The following SNAPC4 variants were observed in gnomAD, a reference collection of about 807,000 sequenced individuals.
SNAPC4 encodes snRNA-activating protein complex subunit 4.
SNAPC4 carries 127 observed loss-of-function variants against 151.3 expected under a neutral mutation model. The ratio of observed to expected loss-of-function variants is 0.84; its 90% CI spans 0.73 to 0.97. The LOEUF is 0.97. Among genes scored for constraint, SNAPC4 ranks in the 50% least tolerant of loss-of-function variants. SNAPC4 has a pLI of 0.00. For synonymous variants in SNAPC4, 1,002 were observed against 824.4 expected, an observed-to-expected ratio of 1.22 and a Z score of -3.69; for missense variants, 2,186 against 1,935.0, an observed-to-expected ratio of 1.13 and a Z score of -2.43.
At chr9:136,395,549 G>T in intron 4 of SNAPC4, 54 bp downstream of exon 4, 1 of 1,571,794 alleles carries the variant, frequency 6.4e-7, no homozygotes, top group South Asian at 1.2e-5. Flanking sequence ...CCCAGCTGTG[G>T]GGGGCTCTGG....
At chr9:136,379,741 T>TG in intron 21 of SNAPC4, 96 bp downstream of exon 21, 1 of 1,131,168 alleles carries the variant, frequency 8.8e-7, no homozygotes, top group Non-Finnish European at 1.3e-6. Flanking sequence ...CTGTGCTGCT[T>TG]GGGGGCTGTG....
In SNAPC4 at chr9:136,398,283, G is replaced by A; in HGVS notation, c.130+16C>T. 1 of 1,604,600 alleles carries A rather than the reference G, an allele frequency of 6.2e-7. No individual in the cohort carries two copies. The highest frequency in any genetic ancestry group is 8.5e-7 in the Non-Finnish European group (1 of 1,172,646). On this transcript the variant is annotated intron_variant, in intron 2 of 23. Transcript: ENST00000684778. The stretch of plus-strand genomic sequence containing the variant: ...TTCTTACCAGGACCCCAGGAGGCTA[G>A]GTACAAGGGGCTTACCTGCTTCAGA...
At position 136,377,592 on chromosome 9, in the gene SNAPC4, G is replaced by T; in HGVS notation, c.4235C>A (p.Ala1412Glu). The part of the protein sequence containing the change: ...DEDLLSELEL[A>E]DRDGQPGCTT... ...GCAGCCCGGCTGCCCGTCCCTGTCT[G>T]CAAGTTCCAGCTCACTCAGGAGGTC... Residue 1412 changes from alanine (A) to glutamate (E), a missense_variant, in exon 22 of 24, where the codon GCA (alanine) becomes GAA (glutamate). Ala to Glu is a moderately radical substitution (Grantham distance 107, BLOSUM62 -1). Transcript: ENST00000684778. The T allele has an allele frequency of 2.0e-6, 3 of 1,531,374 alleles. No individual in the cohort carries two copies. Among genetic ancestry groups the T allele is most frequent in the Non-Finnish European group, 2.6e-6 (3 of 1,136,892 alleles). The allele number at this position is 1,531,374 out of a possible 1,614,324, so 94.9% of individuals were successfully genotyped here.
At chr9:136,384,156 T>TG (rs952174678) in intron 14 of SNAPC4, 124 bp from the exon 15 acceptor site, 5 of 711,288 alleles carry the variant, frequency 7.0e-6, no homozygotes, top group African/African-American at 1.8e-5. Flanking sequence ...ACTCTCACGC[T>TG]GGGGGGTCAA....
rs1301353704 is a variant in SNAPC4, at chr9:136,387,581, T to C, written c.1231-2A>G. 1.9e-6 allele frequency: 3 copies of C among 1,610,488 alleles called. No individual in the cohort carries two copies. Among genetic ancestry groups the C allele is most frequent in the Non-Finnish European group, 8.5e-7 (1 of 1,176,962 alleles). ...TTTGGCAACAGCTTGAAGCAACTTC[T>C]GCAGGAAGGGACAGGCAGACAAGTG... On this transcript the variant is annotated splice_acceptor_variant, in intron 12 of 23. Transcript: ENST00000684778. LOFTEE classifies it high-confidence loss of function.
chr9:136,383,876 C>G lies in SNAPC4; in HGVS notation c.1500+77G>C. The G allele has an allele frequency of 7.1e-7, 1 of 1,406,046 alleles. No individual in the cohort carries two copies. The highest frequency in any genetic ancestry group is 1.0e-6 in the Non-Finnish European group (1 of 996,700). The allele number at this position is 1,406,046 out of a possible 1,614,324, so 87.1% of individuals were successfully genotyped here. On this transcript the variant is annotated intron_variant, in intron 15 of 23. Transcript: ENST00000684778. The surrounding 1 kb of genome is among the most constrained non-coding windows in gnomAD (Gnocchi z 4.2). ...GAAACCGAACGCCCCCCTCCCCTCC[C>G]CTCCTCCTGCCTGCTGGACCCCCCA...
chr9:136,392,643 C>A (rs1042558213), intron 8 of SNAPC4, 30 bp downstream of exon 8: 1 of 1,612,730 alleles, frequency 6.2e-7, no homozygotes, highest in South Asian at 1.1e-5. Context: ...TTGTGGGCTC[C>A]CCTGGGCCCT....
In SNAPC4 at chr9:136,383,180, G is replaced by A. The variant is rs949651651; in HGVS notation, c.1983+6C>T. On this transcript the variant is annotated splice_donor_region_variant and intron_variant, in intron 16 of 23. Coordinates refer to ENST00000684778, the MANE Select transcript of SNAPC4 (RefSeq NM_003086.4). This position sits in a 1 kb window ranked among gnomAD's most constrained non-coding sequence, Gnocchi z 4.2. ...TTCCCGTGGTACACCCAGGGCCGGG[G>A]CCTACCTCCAGGGCCTGCTTCTCTG... is the stretch of plus-strand genomic sequence containing the variant. 1 of 1,525,214 alleles carries A rather than the reference G, an allele frequency of 6.6e-7. No homozygotes were observed. Among genetic ancestry groups the A allele is most frequent in the Non-Finnish European group, 8.8e-7 (1 of 1,138,742 alleles). The allele number at this position is 1,525,214 out of a possible 1,614,324, so 94.5% of individuals were successfully genotyped here.
At chr9:136,397,755 A>T (rs1258445112) in intron 2 of SNAPC4, among the ~76,000 whole-genome samples, 1 of 134,384 alleles carries the variant, frequency 7.4e-6, no homozygotes, top group Non-Finnish European at 1.6e-5. Context: ...GCACGTGGGG[A>T]GGGGCACATG....
chr9:136,382,469 TCATGGGAACGTCCAC>T, intron 16 of SNAPC4, 133 bp from the exon 17 acceptor site: 1 of 761,346 alleles, frequency 1.3e-6, no homozygotes, highest in East Asian at 2.7e-5. Flanking sequence ...CTGCTCTGCC[TCATGGGAACGTCCAC>T]CATGGGAAGC....
intron 3 of SNAPC4, among the ~76,000 whole-genome samples, chr9:136,396,398 G>A (rs1055198595): frequency 3.3e-5 from 5 of 152,242 alleles, no homozygotes; most frequent in Non-Finnish European, 7.3e-5. Context: ...GCAGTTGCCA[G>A]GTGCTGTTTG....
intron 7 of SNAPC4, among the ~76,000 whole-genome samples, chr9:136,393,037 C>T (rs1444255521): frequency 6.6e-6 from 1 of 152,228 alleles, no homozygotes; most frequent in Non-Finnish European, 1.5e-5. Context: ...CTCGCCACAG[C>T]CCTCCGGAGC....
intron 21 of SNAPC4, 108 bp downstream of exon 21, chr9:136,379,729 G>A (rs1833618459): frequency 3.8e-6 from 4 of 1,039,032 alleles, no homozygotes; most frequent in East Asian, 2.5e-5. Flanking sequence ...AGGGGCCACA[G>A]GCTGTGCTGC....
chr9:136,378,529 C>G lies in SNAPC4; in HGVS notation c.3298G>C (p.Ala1100Pro). ...VPAVVSLPRP[A>P]GTPGPAGLLA... Reference sequence around the variant, plus strand: ...AGCCCTGCGGGGCCAGGGGTCCCTGCTGGCCTGGGAAGGCTCACCACAGCT... The same window carrying G: ...AGCCCTGCGGGGCCAGGGGTCCCTGGTGGCCTGGGAAGGCTCACCACAGCT... The change falls in exon 22 of 24, where the codon GCA becomes CCA. Residue 1100 changes from alanine (A) to proline (P), a missense_variant. Ala to Pro is a conservative substitution (Grantham distance 27). Coordinates refer to ENST00000684778, the MANE Select transcript of SNAPC4 (RefSeq NM_003086.4). The G allele has an allele frequency of 6.3e-7, 1 of 1,592,084 alleles. No homozygotes were observed. Among genetic ancestry groups the G allele is most frequent in the Non-Finnish European group, 8.5e-7 (1 of 1,174,834 alleles).
At position 136,383,277 on chromosome 9, in the gene SNAPC4, G is replaced by C. The variant is rs201165042; in HGVS notation, c.1892C>G (p.Pro631Arg). ...PGEETSPVQV[P>R]ARAHGPVPRS... ...CGGGACAGGGCCGTGGGCCCTGGCAGGGACCTGCACCGGACTCGTCTCCTC... is the reference window on the plus strand; with the variant it reads ...CGGGACAGGGCCGTGGGCCCTGGCACGGACCTGCACCGGACTCGTCTCCTC... The change falls in exon 16 of 24, where the codon CCT becomes CGT. Residue 631 changes from proline to arginine, a missense_variant. Transcript: ENST00000684778. This position sits in a 1 kb window ranked among gnomAD's most constrained non-coding sequence, Gnocchi z 4.2. 4 of 1,611,762 alleles carry C rather than the reference G, an allele frequency of 2.5e-6. No homozygotes were observed. Among genetic ancestry groups the C allele is most frequent in the Non-Finnish European group, 3.4e-6 (4 of 1,179,430 alleles).
In SNAPC4 at chr9:136,383,486, G is replaced by A. The variant is rs369322219; in HGVS notation, c.1683C>T (p.Ser561=). The A allele has an allele frequency of 7.1e-5, 111 of 1,568,204 alleles. No homozygotes were observed. The highest frequency in any genetic ancestry group is 9.2e-5 in the Non-Finnish European group (107 of 1,157,024). ...QAGEGDRALL[S]PQYMVPDMDL... ...CCATGTCCGGGACCATGTACTGTGG[G>A]GACAGCAGCGCTCTGTCACCCTCCC... Residue 561 remains serine, a synonymous_variant, in exon 16 of 24, where the codon TCC becomes TCT. Coordinates refer to ENST00000684778, the MANE Select transcript of SNAPC4 (RefSeq NM_003086.4). The surrounding 1 kb of genome is among the most constrained non-coding windows in gnomAD (Gnocchi z 4.2).
rs377614654 is a variant in SNAPC4, at chr9:136,378,999, G to A, written c.2828C>T (p.Pro943Leu). 325 of 1,606,680 alleles carry A rather than the reference G, an allele frequency of 2.0e-4. 8 individuals carry two copies. In the South Asian group the frequency reaches 3.2e-3, roughly 16 times the overall value. ...CGGTACATTTAAGACGGTGGGACCC[G>A]GGGCTGGGCGGCCGTGTGGGGTGTG... ...LPHTPHGRPA[P>L]GPTVLNVPLS... The change falls in exon 22 of 24, where the codon CCG (proline) becomes CTG (leucine). Residue 943 changes from proline (P) to leucine (L), a missense_variant. Pro to Leu is a moderately conservative substitution (Grantham distance 98). Transcript: ENST00000684778.
Position 136,377,987 on chromosome 9 carries a change from C to T in SNAPC4, c.3840G>A (p.Ala1280=), listed in dbSNP as rs61731234. 1.7e-3 allele frequency: 2,795 copies of T among 1,602,950 alleles called. 38 individuals carry two copies. The African/African-American group carries it at 0.032, about 18-fold the overall frequency. ...GGCCCCCCAGCCACTGCTGTGTGGC[C>T]GCCTCGCCCTCCTGGGACAGCAGGC... is the stretch of plus-strand genomic sequence containing the variant. ...DLGLLSQEGE[A]ATQQWLGGQR... Residue 1280 remains alanine, a synonymous_variant, in exon 22 of 24, where the codon GCG becomes GCA. Transcript: ENST00000684778.
At position 136,382,078 on chromosome 9, in the gene SNAPC4, AAGG is replaced by A. The variant is rs1331906382; in HGVS notation, c.2068-8_2068-6del. 5.1e-6 allele frequency: 8 copies of A among 1,578,510 alleles called. No homozygotes were observed. In the East Asian group the frequency reaches 9.3e-5, roughly 18 times the overall value. ...TGGCTGCCTCAGCTGCTCTTTCTGT[AAGG>A]AGAAGGCAGCACCTGGGGCCCATGG... is the stretch of plus-strand genomic sequence containing the variant. On this transcript the variant is annotated splice_polypyrimidine_tract_variant and splice_region_variant and intron_variant, in intron 17 of 23. Transcript: ENST00000684778.
Sources: allele counts gnomAD v4.1 joint callset (sites outside exome capture counted in the v4.1 genomes callset), GRCh38; gene constraint gnomAD v4.1.1; non-coding constraint Gnocchi (gnomAD v3.1); transcripts MANE v1.5; gene names NCBI Gene and HGNC (gene_info 2026-07-23, HGNC 2026-07-21).